The following GANC variants were observed in gnomAD, a reference collection of about 807,000 sequenced individuals.
GANC encodes glucosidase alpha, neutral C.
A neutral mutation model predicts 124.2 loss-of-function variants in GANC; 117 were observed. That is an observed-to-expected ratio of 0.94 (90% CI 0.81 to 1.10). The LOEUF (loss-of-function observed/expected upper bound fraction) is 1.10, where lower values mean the gene tolerates loss of function less well. Ranked by LOEUF, GANC falls within the 50% of genes least tolerant of loss-of-function variation. The pLI is 0.00. For synonymous variants in GANC, 377 were observed against 376.8 expected (o/e 1.00, Z -0.01); for missense variants, 1,140 against 1,095.0 (o/e 1.04, Z -0.58).
chr15:42,343,145 A>T lies in GANC; in HGVS notation c.2220A>T (p.Gly740=), dbSNP rs781438566. 3.1e-6 allele frequency: 5 copies of T among 1,613,788 alleles called. No individual in the cohort carries two copies. The highest frequency in any genetic ancestry group is 4.2e-6 in the Non-Finnish European group (5 of 1,179,832). ...KATTVDVFLP[G]SNEVWYDYKT... is the part of the protein sequence containing the mutation. ...CCACAGTTGATGTGTTTCTTCCAGGATCAAATGAGGTAAGAGTAATAACAG... is the reference window on the plus strand; with the variant it reads ...CCACAGTTGATGTGTTTCTTCCAGGTTCAAATGAGGTAAGAGTAATAACAG... The change falls in exon 19 of 24, where the codon GGA becomes GGT. Residue 740 remains glycine, a synonymous_variant. Coordinates refer to ENST00000318010, the MANE Select transcript of GANC (RefSeq NM_198141.3).
intron 6 of GANC, among the ~76,000 whole-genome samples, chr15:42,302,491 C>T (rs575880124): frequency 1.7e-4 from 26 of 152,112 alleles, no homozygotes; most frequent in African/African-American, 4.3e-4. Context: ...CAAAATTGGA[C>T]GGAGAATGAG....
At chr15:42,322,827 T>C (rs16973045) in intron 11 of GANC, among the ~76,000 whole-genome samples, 15,558 of 151,754 alleles carry the variant, frequency 0.1, 1,149 homozygotes, top group Admixed American at 0.19. Context: ...GTGGTGGTAA[T>C]AGCAATAATG....
At chr15:42,307,850 A>G (rs1257970878) in intron 7 of GANC, among the ~76,000 whole-genome samples, 2 of 152,192 alleles carry the variant, frequency 1.3e-5, no homozygotes, top group African/African-American at 4.8e-5. Context: ...AAAGTGCACA[A>G]TATCCTTTGC....
intron 10 of GANC, chr15:42,314,307 G>GT: frequency 1.7e-6 from 1 of 601,990 alleles, no homozygotes; most frequent in Non-Finnish European, 3.0e-6. Flanking sequence ...TTTCCAAAGG[G>GT]TTTTGCTGCT....
chr15:42,280,414 A>G (rs565701790), intron 3 of GANC, among the ~76,000 whole-genome samples: 2 of 152,248 alleles, frequency 1.3e-5, no homozygotes, highest in East Asian at 3.9e-4. Context: ...AAAAAATGGG[A>G]CAGCACTAAT....
intron 1 of GANC, among the ~76,000 whole-genome samples, chr15:42,274,789 C>T (rs2412682): frequency 0.72 from 109,312 of 151,680 alleles, 42,185 homozygotes; most frequent in Non-Finnish European, 0.86. Context: ...CCCCTCCCCG[C>T]CCCCTCGGAG....
chr15:42,298,682 C>T (rs1461398181), intron 6 of GANC, among the ~76,000 whole-genome samples: 2 of 152,202 alleles, frequency 1.3e-5, no homozygotes, highest in East Asian at 3.8e-4. Flanking sequence ...AATATTGATT[C>T]TTCCTATCCA....
chr15:42,313,782 CAT>C, intron 10 of GANC: 1 of 404,556 alleles, frequency 2.5e-6, no homozygotes, highest in Non-Finnish European at 4.5e-6. Flanking sequence ...ATAATGGTGA[CAT>C]GGGCTGGGCA....
chr15:42,325,891 G>A (rs1199500448), intron 11 of GANC, among the ~76,000 whole-genome samples: 1 of 152,114 alleles, frequency 6.6e-6, no homozygotes, highest in Non-Finnish European at 1.5e-5. Context: ...TGAGTAGCTG[G>A]GACCACAGGT....
chr15:42,279,953 CAGAA>C (rs1367720988), intron 3 of GANC, among the ~76,000 whole-genome samples: 1 of 152,154 alleles, frequency 6.6e-6, no homozygotes, highest in Non-Finnish European at 1.5e-5. Context: ...TATTCCCAGA[CAGAA>C]AGAACAATTG....
rs1342151173 is a variant in GANC at position 42,353,458 on chromosome 15, T to TA, written c.*1320dup. On this transcript the variant is annotated 3_prime_UTR_variant, in exon 24 of 24. Transcript: ENST00000318010. ...CCCTTCCCCGTAATGCTGTCCCACT[T>TA]ATAACTGTGCTCTACTTAGCATTCT... The TA allele has an allele frequency of 1.1e-6, 1 of 928,450 alleles. No individual in the cohort carries two copies. The highest frequency in any genetic ancestry group is 1.3e-6 in the Non-Finnish European group (1 of 778,294). 57.5% of individuals were successfully genotyped at this position (928,450 alleles called of 1,614,324 possible).
chr15:42,310,512 C>T (rs1333107670), intron 9 of GANC, 49 bp downstream of exon 9: 18 of 1,526,326 alleles, frequency 1.2e-5, no homozygotes, highest in Non-Finnish European at 1.6e-5. Flanking sequence ...AGAAACAAAA[C>T]CACTGCAGTG....
At position 42,273,353 on chromosome 15, in the gene GANC, G is replaced by A. The variant is rs2051601480; in HGVS notation, c.-1129G>A. 2.5e-6 allele frequency: 4 copies of A among 1,614,152 alleles called. No homozygotes were observed. Among genetic ancestry groups the A allele is most frequent in the Non-Finnish European group, 3.4e-6 (4 of 1,180,052 alleles). On this transcript the variant is annotated 5_prime_UTR_variant, in exon 1 of 24. Transcript: ENST00000318010. ...AGTGGTGACGGGTGAGCTCCCAGAA[G>A]CAGAAGAATGACAGGCAACACCTGA...
chr15:42,335,398 T>C (rs1323271327), intron 15 of GANC, among the ~76,000 whole-genome samples: 3 of 152,190 alleles, frequency 2.0e-5, no homozygotes, highest in Non-Finnish European at 4.4e-5. Flanking sequence ...AGAAAAAGCT[T>C]TCAATAAAAT....
At chr15:42,326,199 T>C (rs998496083) in intron 11 of GANC, 99 bp from the exon 12 acceptor site, 22 of 776,088 alleles carry the variant, frequency 2.8e-5, no homozygotes, top group Non-Finnish European at 4.3e-6. Flanking sequence ...GTTGTAGTTG[T>C]TTGTAAAAAT....
intron 16 of GANC, 67 bp downstream of exon 16, chr15:42,338,557 G>A (rs770965810): frequency 4.4e-6 from 5 of 1,133,868 alleles, no homozygotes; most frequent in African/African-American, 1.5e-5. Context: ...CATCAAAGCT[G>A]GTTACAAATC....
chr15:42,347,833 A>G (rs892800001), intron 20 of GANC, among the ~76,000 whole-genome samples: 1 of 152,200 alleles, frequency 6.6e-6, no homozygotes, highest in Non-Finnish European at 1.5e-5. Flanking sequence ...ACTTAAGAGG[A>G]AAAAACAGCA....
At chr15:42,294,972 GTTT>G (rs59095643) in intron 5 of GANC, among the ~76,000 whole-genome samples, 1 of 131,178 alleles carries the variant, frequency 7.6e-6, no homozygotes, top group African/African-American at 3.0e-5. Context: ...TGCATTTGTA[GTTT>G]TTTTTTTTTT....
At position 42,331,430 on chromosome 15, in the gene GANC, G is replaced by T. The variant is rs527432044; in HGVS notation, c.1741+758G>T. 2.6e-5 allele frequency among the ~76,000 whole-genome samples: 4 copies of T among 152,318 alleles called. No individual in the cohort carries two copies. In the East Asian group the frequency reaches 5.8e-4, roughly 22 times the overall value. Reference sequence around the variant, plus strand: ...TGGTCAGGGTCATCTATAACTGGATGCAGTTTACCAGCTAATGCAGATCTG... The same window carrying T: ...TGGTCAGGGTCATCTATAACTGGATTCAGTTTACCAGCTAATGCAGATCTG... On this transcript the variant is annotated intron_variant, in intron 15 of 23. Transcript: ENST00000318010.
Sources: allele counts gnomAD v4.1 joint callset (sites outside exome capture counted in the v4.1 genomes callset), GRCh38; gene constraint gnomAD v4.1.1; transcripts MANE v1.5; gene names NCBI Gene and HGNC (gene_info 2026-07-23, HGNC 2026-07-21).